The following PTPRD variants were observed in gnomAD, a reference collection of about 807,000 sequenced individuals.
The protein encoded by PTPRD is receptor-type tyrosine-protein phosphatase delta.
Under a neutral mutation model 214.5 loss-of-function variants are expected in PTPRD, and 34 were observed. The observed-to-expected ratio is 0.16, with a 90% CI of 0.12 to 0.21. The LOEUF (loss-of-function observed/expected upper bound fraction) is 0.21, where lower values mean the gene tolerates loss of function less well. Among genes scored for constraint, PTPRD ranks in the 10% least tolerant of loss-of-function variants. The pLI is 1.00. For missense variants in PTPRD, 2,545 were observed against 2,398.7 expected, an observed-to-expected ratio of 1.06 and a Z score of -1.27; for synonymous variants, 1,128 against 845.7, an observed-to-expected ratio of 1.33 and a Z score of -5.79.
chr9:9,295,488 C>T (rs547346999), intron 9 of PTPRD, among the ~76,000 whole-genome samples: 6 of 151,780 alleles, frequency 4.0e-5, no homozygotes, highest in South Asian at 2.1e-4. Context: ...GAGAAAACAG[C>T]TGTTTTGAAA....
At chr9:8,881,853 C>G (rs2098448858) in intron 11 of PTPRD, among the ~76,000 whole-genome samples, 1 of 152,192 alleles carries the variant, frequency 6.6e-6, no homozygotes, top group Non-Finnish European at 1.5e-5. Flanking sequence ...AGTTACCTTT[C>G]TAGACATTCT....
At chr9:9,732,919 A>T (rs1210538677) in intron 7 of PTPRD, among the ~76,000 whole-genome samples, 1 of 151,888 alleles carries the variant, frequency 6.6e-6, no homozygotes, top group East Asian at 1.9e-4. Flanking sequence ...TTCCAAAAAA[A>T]AAAATTACTA....
intron 3 of PTPRD, among the ~76,000 whole-genome samples, chr9:10,232,535 G>A (rs1564682278): frequency 6.6e-6 from 1 of 151,914 alleles, no homozygotes; most frequent in South Asian, 2.1e-4. Context: ...GGCCCTGCAG[G>A]TTTGCAAAAT....
At chr9:9,498,324 T>A (rs1280667680) in intron 8 of PTPRD, among the ~76,000 whole-genome samples, 1 of 152,166 alleles carries the variant, frequency 6.6e-6, no homozygotes, top group Non-Finnish European at 1.5e-5. Context: ...ATTGCACAAG[T>A]ACAGGCTTCA....
At chr9:8,429,331 CTTCT>C (rs1227426900) in intron 35 of PTPRD, among the ~76,000 whole-genome samples, 1 of 152,062 alleles carries the variant, frequency 6.6e-6, no homozygotes, top group African/African-American at 2.4e-5. Context: ...GGGTAAGTCA[CTTCT>C]TTCTCAGTCT....
At chr9:8,375,857 T>A (rs2083086671) in intron 39 of PTPRD, 79 bp downstream of exon 39, 1 of 1,496,320 alleles carries the variant, frequency 6.7e-7, no homozygotes, top group African/African-American at 1.4e-5. Flanking sequence ...TTCCAGAATG[T>A]CAAGAAGTTG....
Position 9,286,624 on chromosome 9 carries a change from C to A in PTPRD, c.-202-103261G>T, listed in dbSNP as rs550359193. Reference sequence around the variant, plus strand: ...TCAAATAAAACATGCTCTATAGAACCTTTCCTGATGCCCCCAAACCTAGTT... The same window carrying A: ...TCAAATAAAACATGCTCTATAGAACATTTCCTGATGCCCCCAAACCTAGTT... On this transcript the variant is annotated intron_variant, in intron 9 of 45. Transcript: ENST00000381196. Among the ~76,000 whole-genome samples, 3 of 151,440 alleles carry A rather than the reference C, an allele frequency of 2.0e-5. No homozygotes were observed. The South Asian group carries it at 6.3e-4, about 32-fold the overall frequency.
rs146209140 is a variant in PTPRD at position 9,760,599 on chromosome 9, T to TAC, written c.-326+6209_-326+6210dup. ...CCCCATCATCTTTACTCAGCTATCA[T>TAC]ACACACACACACACACACACACACA... On this transcript the variant is annotated intron_variant, in intron 6 of 45. Transcript: ENST00000381196. 6.5e-3 allele frequency among the ~76,000 whole-genome samples: 703 copies of TAC among 107,868 alleles called. 4 individuals are homozygous for TAC. The highest frequency in any genetic ancestry group is 0.041 in the East Asian group (114 of 2,786). The allele number at this position is 107,868 out of a possible 152,430, so 70.8% of individuals were successfully genotyped here.
chr9:8,557,457 T>TA (rs1564324431), intron 14 of PTPRD, among the ~76,000 whole-genome samples: 1 of 135,744 alleles, frequency 7.4e-6, no homozygotes, highest in African/African-American at 3.5e-5. Flanking sequence ...TATATATATA[T>TA]TTGGGCCGGG....
intron 13 of PTPRD, among the ~76,000 whole-genome samples, chr9:8,636,296 C>T (rs1324148422): frequency 1.3e-5 from 2 of 152,170 alleles, no homozygotes; most frequent in Non-Finnish European, 2.9e-5. Context: ...AAGTAGGCTA[C>T]ACTGTCCACC....
At chr9:9,302,226 T>C (rs1438675220) in intron 9 of PTPRD, among the ~76,000 whole-genome samples, 1 of 151,924 alleles carries the variant, frequency 6.6e-6, no homozygotes, top group Non-Finnish European at 1.5e-5. Flanking sequence ...CGAAAATATG[T>C]TATGGCATTT....
chr9:9,875,741 C>G (rs974466533), intron 5 of PTPRD, among the ~76,000 whole-genome samples: 1 of 151,904 alleles, frequency 6.6e-6, no homozygotes, highest in African/African-American at 2.4e-5. Flanking sequence ...GAATATTAAC[C>G]CTTTATAAAT....
At chr9:8,865,354 T>C (rs1483844175) in intron 11 of PTPRD, among the ~76,000 whole-genome samples, 1 of 152,168 alleles carries the variant, frequency 6.6e-6, no homozygotes, top group East Asian at 1.9e-4. Context: ...CATGTCTGAT[T>C]GGAACCCAGA....
chr9:9,952,881 C>A (rs949377352), intron 4 of PTPRD, among the ~76,000 whole-genome samples: 3 of 152,052 alleles, frequency 2.0e-5, no homozygotes, highest in Non-Finnish European at 2.9e-5. Flanking sequence ...GCTGCTATTT[C>A]CCTTAAAAAT....
chr9:8,561,643 G>C (rs1199065678), intron 14 of PTPRD, among the ~76,000 whole-genome samples: 1 of 152,090 alleles, frequency 6.6e-6, no homozygotes, highest in East Asian at 1.9e-4. Context: ...TCACCAGCTG[G>C]AACCCTGCAA....
At chr9:9,512,408 A>G (rs79322763) in intron 8 of PTPRD, among the ~76,000 whole-genome samples, 1,862 of 151,962 alleles carry the variant, frequency 0.012, 38 homozygotes, top group African/African-American at 0.042. Context: ...TATGCCCTTG[A>G]AAAGGTAGAA....
At chr9:9,574,927 C>A (rs1015034675) in intron 7 of PTPRD, 146 bp from the exon 8 acceptor site, 5 of 152,054 alleles carry the variant, frequency 3.3e-5, no homozygotes, top group African/African-American at 1.2e-4. Flanking sequence ...TTTTTGACTA[C>A]AGTATTTGTC....
chr9:9,935,627 A>G (rs1191256903), intron 5 of PTPRD, among the ~76,000 whole-genome samples: 2 of 149,432 alleles, frequency 1.3e-5, no homozygotes, highest in Admixed American at 1.3e-4. Context: ...GGAACAATCA[A>G]TATCGTGAAA....
intron 9 of PTPRD, among the ~76,000 whole-genome samples, chr9:9,194,734 G>A (rs16929052): frequency 0.074 from 11,237 of 152,134 alleles, 505 homozygotes; most frequent in East Asian, 0.15. Context: ...GATCCTGAGC[G>A]ATAGTGGGAA....
Sources: allele counts gnomAD v4.1 joint callset (sites outside exome capture counted in the v4.1 genomes callset), GRCh38; gene constraint gnomAD v4.1.1; transcripts MANE v1.5; gene names NCBI Gene and HGNC (gene_info 2026-07-23, HGNC 2026-07-21).